Variants in CFAP47 observed in about 807,000 individuals in gnomAD.
CFAP47 encodes cilia and flagella associated protein 47, also known as cilia- and flagella-associated protein 47.
CFAP47 carries 29 observed loss-of-function variants against 148.1 expected under a neutral mutation model. The ratio of observed to expected loss-of-function variants is 0.20; its 90% CI spans 0.15 to 0.27. The LOEUF is 0.27. CFAP47 is among the 10% of genes least tolerant of loss of function. CFAP47 has a pLI of 1.00. For missense variants in CFAP47, 1,872 were observed against 1,697.5 expected, an observed-to-expected ratio of 1.10 and a Z score of -1.81; for synonymous variants, 664 against 577.3, an observed-to-expected ratio of 1.15 and a Z score of -2.15.
At chrX:36,214,339 A>G (rs1940135865) in intron 45 of CFAP47, among the ~76,000 whole-genome samples, 1 of 111,893 alleles carries the variant, frequency 8.9e-6, no homozygotes, top group Non-Finnish European at 1.9e-5. Context: ...AAATTGCTCT[A>G]GGAGAGTCAG....
intron 35 of CFAP47, among the ~76,000 whole-genome samples, chrX:36,142,241 A>G (rs1485281776): frequency 1.8e-5 from 2 of 111,373 alleles, no homozygotes; most frequent in African/African-American, 3.3e-5. Flanking sequence ...CACCCCTTCT[A>G]TTTACTGATG....
intron 57 of CFAP47, among the ~76,000 whole-genome samples, chrX:36,319,741 G>A (rs1355576428): frequency 4.5e-5 from 5 of 111,258 alleles, no homozygotes; most frequent in African/African-American, 1.6e-4. Flanking sequence ...TTCAACTACT[G>A]TTTTACTGCG....
Position 35,971,593 on chromosome X carries a change from A to C in CFAP47, c.1978A>C (p.Met660Leu). The C allele has an allele frequency of 8.9e-7, 1 of 1,122,205 alleles. No individual in the cohort carries two copies. 92.5% of individuals were successfully genotyped at this position (1,122,205 alleles called of 1,213,427 possible). A position where few individuals can be genotyped will look rare whatever the true frequency, so the allele number is the denominator to read the frequency against. Residue 660 changes from methionine (M) to leucine (L), a missense_variant, in exon 12 of 64, where the codon ATG becomes CTG. Physicochemically the swap from Met to Leu is conservative, Grantham distance 15. Transcript: ENST00000378653. The part of the protein sequence containing the change: ...LQKKQAERER[M>L]YSYDDTDIGL... ...TTATTATTAATTTTATAGGGAGCGC[A>C]TGTATTCATATGATGATACAGACAT... is the stretch of plus-strand genomic sequence containing the variant.
chrX:36,170,513 G>GT (rs1465502457), intron 39 of CFAP47, among the ~76,000 whole-genome samples: 6 of 107,297 alleles, frequency 5.6e-5, no homozygotes, highest in South Asian at 8.2e-4. Context: ...TGTTCTCATT[G>GT]TCAATTCCCA....
At chrX:35,931,248 A>G (rs1393262669) in intron 2 of CFAP47, among the ~76,000 whole-genome samples, 2 of 111,461 alleles carry the variant, frequency 1.8e-5, no homozygotes, top group African/African-American at 3.3e-5. Context: ...CCTTTCTGGT[A>G]GATTGATCCT....
chrX:36,165,222 T>A (rs1440076094), intron 39 of CFAP47, among the ~76,000 whole-genome samples: 1 of 112,092 alleles, frequency 8.9e-6, no homozygotes, highest in Non-Finnish European at 1.9e-5. Flanking sequence ...TTGTTATTAT[T>A]GACACAGTTG....
At chrX:35,925,872 G>T in intron 1 of CFAP47, 145 bp from the exon 2 acceptor site, 1 of 408,165 alleles carries the variant, frequency 2.4e-6, no homozygotes, top group Non-Finnish European at 4.2e-6. Context: ...GGCCAGGATG[G>T]TCTCGATCTC....
intron 59 of CFAP47, among the ~76,000 whole-genome samples, chrX:36,352,528 A>G (rs1260118356): frequency 9.0e-6 from 1 of 111,107 alleles, no homozygotes; most frequent in African/African-American, 3.2e-5. Context: ...TATTGATGCC[A>G]CAGAATCATA....
intron 22 of CFAP47, among the ~76,000 whole-genome samples, chrX:36,028,449 G>T (rs771247750): frequency 9.0e-6 from 1 of 111,266 alleles, no homozygotes; most frequent in African/African-American, 3.3e-5. Context: ...TCTCTAGATT[G>T]CTTTGGGCAG....
chrX:36,323,135 G>T (rs1407050440), intron 57 of CFAP47, among the ~76,000 whole-genome samples: 2 of 110,952 alleles, frequency 1.8e-5, no homozygotes, highest in Non-Finnish European at 3.8e-5. Context: ...GAACTGAAAA[G>T]ATTACCTTAT....
intron 33 of CFAP47, among the ~76,000 whole-genome samples, chrX:36,114,026 G>A (rs754021568): frequency 9.1e-6 from 1 of 109,935 alleles, no homozygotes; most frequent in South Asian, 3.9e-4. Context: ...TAGCCAGGAT[G>A]GTCTCGATCT....
chrX:36,336,679 AT>A (rs1941609479), intron 57 of CFAP47, among the ~76,000 whole-genome samples: 2 of 112,008 alleles, frequency 1.8e-5, no homozygotes, highest in South Asian at 7.4e-4. Context: ...GAAAAGAAAC[AT>A]TTATGTTTTC....
At chrX:35,951,990 T>C (rs759287998) in intron 6 of CFAP47, 27 bp downstream of exon 6, 26 of 1,131,606 alleles carry the variant, frequency 2.3e-5, no homozygotes, top group Non-Finnish European at 2.4e-5. Flanking sequence ...TTCATTGTAA[T>C]GTTAAATATT....
chrX:36,063,345 G>C (rs768488192), intron 26 of CFAP47, among the ~76,000 whole-genome samples: 1 of 111,385 alleles, frequency 9.0e-6, no homozygotes, highest in East Asian at 2.8e-4. Flanking sequence ...ACTACCAACT[G>C]TATGTCCTTT....
intron 49 of CFAP47, among the ~76,000 whole-genome samples, chrX:36,264,749 G>A (rs1188663064): frequency 9.0e-6 from 1 of 111,546 alleles, no homozygotes; most frequent in Admixed American, 9.5e-5. Context: ...TTCTTATGAA[G>A]GTATTTTTTC....
At chrX:35,971,533 T>G in intron 11 of CFAP47, 53 bp from the exon 12 acceptor site, 4 of 846,326 alleles carry the variant, frequency 4.7e-6, no homozygotes, top group Non-Finnish European at 4.8e-6. Context: ...ACAGATGCAT[T>G]TTTTGAATGA....
At chrX:36,053,044 T>G (rs1407306304) in intron 26 of CFAP47, among the ~76,000 whole-genome samples, 3 of 112,278 alleles carry the variant, frequency 2.7e-5, no homozygotes, top group Non-Finnish European at 5.6e-5. Context: ...CAATGCTACC[T>G]TAGGAACTGT....
intron 55 of CFAP47, among the ~76,000 whole-genome samples, chrX:36,308,304 G>A (rs181930070): frequency 2.2e-4 from 25 of 111,469 alleles, no homozygotes; most frequent in East Asian, 2.8e-4. Context: ...CTTCCAACTT[G>A]TAGCAAATCT....
At chrX:36,137,222 A>T (rs760477847) in intron 33 of CFAP47, among the ~76,000 whole-genome samples, 7 of 111,494 alleles carry the variant, frequency 6.3e-5, no homozygotes, top group African/African-American at 2.3e-4. Flanking sequence ...GTTTTCAGAC[A>T]AGAAATTGTC....
Sources: allele counts gnomAD v4.1 joint callset (sites outside exome capture counted in the v4.1 genomes callset), GRCh38; gene constraint gnomAD v4.1.1; transcripts MANE v1.5; gene names NCBI Gene and HGNC (gene_info 2026-07-23, HGNC 2026-07-21).